The following PEBP4 variants were observed in gnomAD, a reference collection of about 807,000 sequenced individuals.
PEBP4 encodes phosphatidylethanolamine-binding protein 4.
A neutral mutation model predicts 23.9 loss-of-function variants in PEBP4; 22 were observed. That is an observed-to-expected ratio of 0.92 (90% CI 0.66 to 1.31). PEBP4 has a LOEUF of 1.31. Ranked by LOEUF, PEBP4 falls within the 40% of genes most tolerant of loss-of-function variation. The pLI, the probability that PEBP4 is intolerant of heterozygous loss-of-function variation, is 0.00. For synonymous variants in PEBP4, 112 were observed against 99.3 expected (o/e 1.13, Z -0.76); for missense variants, 324 against 281.7 (o/e 1.15, Z -1.07).
At chr8:22,880,541 G>A (rs1808229113) in intron 3 of PEBP4, 1 of 146,016 alleles carries the variant, frequency 6.8e-6, no homozygotes, top group Non-Finnish European at 1.5e-5. Flanking sequence ...TTTTGTTTCT[G>A]ATGCTGAGAC....
intron 3 of PEBP4, among the ~76,000 whole-genome samples, chr8:22,866,994 G>A (rs1381276435): frequency 6.6e-6 from 1 of 152,082 alleles, no homozygotes; most frequent in Non-Finnish European, 1.5e-5. Flanking sequence ...GCATAGAGGC[G>A]GGTTGAAGAA....
chr8:22,889,966 T>G (rs896734590), intron 3 of PEBP4, among the ~76,000 whole-genome samples: 2 of 152,364 alleles, frequency 1.3e-5, no homozygotes, highest in African/African-American at 4.8e-5. Flanking sequence ...TATTTTTGGT[T>G]GAGCCAAGCA....
intron 4 of PEBP4, among the ~76,000 whole-genome samples, chr8:22,738,822 C>G (rs1212635439): frequency 6.6e-6 from 1 of 152,146 alleles, no homozygotes; most frequent in Admixed American, 6.5e-5. Context: ...CACATACATG[C>G]TCATATATCC....
In PEBP4 at chr8:22,822,895, C is replaced by G. The variant is rs191803650; in HGVS notation, c.259-5160G>C. ...ACCTTCAATTAATTTTTTAATCTGG[C>G]ACAATCCCAATCAAAATCCTAAATA... On this transcript the variant is annotated intron_variant, in intron 3 of 6. Coordinates refer to ENST00000256404, the MANE Select transcript of PEBP4 (RefSeq NM_144962.3). 6.1e-4 allele frequency among the ~76,000 whole-genome samples: 93 copies of G among 152,074 alleles called. 1 individual carries two copies. The highest frequency in any genetic ancestry group is 4.4e-3 in the Admixed American group (67 of 15,286).
At chr8:22,804,217 G>C (rs144739456) in intron 4 of PEBP4, among the ~76,000 whole-genome samples, 1,610 of 152,272 alleles carry the variant, frequency 0.011, 25 homozygotes, top group South Asian at 0.032. Context: ...TGTAGTCCTA[G>C]CTACTTAGGA....
At chr8:22,925,319 G>A in intron 2 of PEBP4, 1 of 985,428 alleles carries the variant, frequency 1.0e-6, no homozygotes, top group Middle Eastern at 5.2e-4. Flanking sequence ...CTTGACTCGA[G>A]TCTGGGAGCC....
chr8:22,718,575 C>T (rs2128747853), intron 6 of PEBP4, among the ~76,000 whole-genome samples: 1 of 152,266 alleles, frequency 6.6e-6, no homozygotes, highest in South Asian at 2.1e-4. Context: ...CCGGGATGGC[C>T]CCAGCTGGGT....
intron 3 of PEBP4, chr8:22,886,204 G>A (rs79301932): frequency 0.013 from 1,918 of 152,326 alleles, 22 homozygotes; most frequent in Non-Finnish European, 0.02. Context: ...GCACTTTACA[G>A]ACAGGCAAGA....
chr8:22,902,146 CCTAAAAATACAAAAATTA>C (rs1227651933), intron 3 of PEBP4, among the ~76,000 whole-genome samples: 3 of 151,946 alleles, frequency 2.0e-5, no homozygotes, highest in Admixed American at 6.6e-5. Context: ...TGGACAAACC[CCTAAAAATACAAAAATTA>C]CTAAAAATAC....
chr8:22,825,390 G>A (rs142528159), intron 3 of PEBP4, among the ~76,000 whole-genome samples: 270 of 152,314 alleles, frequency 1.8e-3, no homozygotes, highest in African/African-American at 5.9e-3. Flanking sequence ...ACAGAAGAAC[G>A]TGCCATCAAC....
At chr8:22,862,955 C>G (rs796449541) in intron 3 of PEBP4, among the ~76,000 whole-genome samples, 50 of 152,200 alleles carry the variant, frequency 3.3e-4, no homozygotes, top group African/African-American at 9.6e-4. Context: ...CGCCCGCCCC[C>G]ACGCCTGGAT....
intron 3 of PEBP4, among the ~76,000 whole-genome samples, chr8:22,860,549 T>A (rs1807755783): frequency 6.6e-6 from 1 of 152,150 alleles, no homozygotes. Context: ...TGTAGTAGCA[T>A]GGGCCAGAAT....
rs78053035 is a variant in PEBP4 at position 22,909,175 on chromosome 8, C to T, written c.258+11009G>A. 6.3e-3 allele frequency among the ~76,000 whole-genome samples: 958 copies of T among 152,260 alleles called. 5 individuals carry two copies. Among genetic ancestry groups the T allele is most frequent in the African/African-American group, 0.02 (840 of 41,538 alleles). On this transcript the variant is annotated intron_variant, in intron 3 of 6. Transcript: ENST00000256404. ...ACGGTCACCTATCTCCCCCTGGTGT[C>T]GGCTCTTCCCATTGCAGCCCCGGGA... is the stretch of plus-strand genomic sequence containing the variant.
chr8:22,913,104 A>AT (rs1808981967), intron 3 of PEBP4, among the ~76,000 whole-genome samples: 1 of 152,158 alleles, frequency 6.6e-6, no homozygotes, highest in African/African-American at 2.4e-5. Context: ...GTGACAACTG[A>AT]TCCCATCCAT....
intron 3 of PEBP4, among the ~76,000 whole-genome samples, chr8:22,856,713 C>CTAAA (rs60953053): frequency 0.027 from 4,113 of 151,388 alleles, 189 homozygotes; most frequent in African/African-American, 0.092. Context: ...GAAACTGTCT[C>CTAAA]TAAATAAATA....
rs1350329989 is a variant in PEBP4, at chr8:22,817,652, C to T, written c.342G>A (p.Leu114=). ...GCCTGCTTACCTTGATATCTGTTAC[C>T]AGCCAATGTCTCCAGAATCTCTGTC... ...EPRQRFWRHW[L]VTDIKGADLK... Residue 114 remains leucine (L), a synonymous_variant, in exon 4 of 7, where the codon CTG becomes CTA. Transcript: ENST00000256404. 1 of 1,614,084 alleles carries T rather than the reference C, an allele frequency of 6.2e-7. No homozygotes were observed. The highest frequency in any genetic ancestry group is 8.5e-7 in the Non-Finnish European group (1 of 1,179,938).
At chr8:22,784,685 T>C (rs1179879119) in intron 4 of PEBP4, among the ~76,000 whole-genome samples, 1 of 152,212 alleles carries the variant, frequency 6.6e-6, no homozygotes, top group Non-Finnish European at 1.5e-5. Flanking sequence ...CCTTATTGAA[T>C]TGTGACAAGT....
chr8:22,851,696 A>G (rs2070520828), intron 3 of PEBP4, among the ~76,000 whole-genome samples: 1 of 152,128 alleles, frequency 6.6e-6, no homozygotes. Flanking sequence ...CCCATTACCC[A>G]TAGTTGCTGG....
rs528598576 is a variant in PEBP4, at chr8:22,728,037, C to T, written c.358-817G>A. Among the ~76,000 whole-genome samples the T allele has an allele frequency of 5.3e-5, 8 of 152,278 alleles. No homozygotes were observed. The East Asian group carries it at 1.5e-3, about 29-fold the overall frequency. ...CAGGCCATGCCAGGGAGCCCCAAGG[C>T]CCCTAGGTGTGGGGTTTTATAGCCT... On this transcript the variant is annotated intron_variant, in intron 4 of 6. Transcript: ENST00000256404.
Sources: gnomAD v4.1 joint callset for allele counts (sites outside exome capture counted in the v4.1 genomes callset) on GRCh38, gnomAD v4.1.1 for gene constraint, MANE v1.5 for transcripts, NCBI Gene and HGNC (gene_info 2026-07-23, HGNC 2026-07-21) for gene names.